The following CADM1 variants were observed in gnomAD, a reference collection of about 807,000 sequenced individuals.
CADM1 encodes TSLC-1.
A neutral mutation model predicts 53.1 loss-of-function variants in CADM1; 15 were observed. That is an observed-to-expected ratio of 0.28 (90% CI 0.19 to 0.44). CADM1 has a LOEUF of 0.44. Among genes scored for constraint, CADM1 ranks in the 20% least tolerant of loss-of-function variants. The probability of loss-of-function intolerance (pLI) is 1.00; values close to 1 mark genes in which losing one functional copy is unlikely to be tolerated. For missense variants in CADM1, 434 were observed against 611.3 expected, an observed-to-expected ratio of 0.71 and a Z score of 3.06; for synonymous variants, 281 against 243.0, an observed-to-expected ratio of 1.16 and a Z score of -1.45.
At chr11:115,307,205 C>T (rs1164777404) in intron 1 of CADM1, among the ~76,000 whole-genome samples, 1 of 151,888 alleles carries the variant, frequency 6.6e-6, no homozygotes, top group East Asian at 1.9e-4. Context: ...TATAGATATG[C>T]CCCTAACCCA....
At chr11:115,255,715 A>G (rs1393332898) in intron 1 of CADM1, among the ~76,000 whole-genome samples, 2 of 152,234 alleles carry the variant, frequency 1.3e-5, no homozygotes, top group African/African-American at 4.8e-5. Context: ...AGGAATAAAC[A>G]TGTTTAAAAA....
intron 1 of CADM1, among the ~76,000 whole-genome samples, chr11:115,309,906 G>T (rs1470726900): frequency 6.6e-6 from 1 of 152,148 alleles, no homozygotes; most frequent in East Asian, 1.9e-4. Context: ...CTCATGCTTA[G>T]AAATCCAGTC....
chr11:115,258,204 C>A (rs763640951), intron 1 of CADM1, among the ~76,000 whole-genome samples: 1 of 152,132 alleles, frequency 6.6e-6, no homozygotes, highest in Non-Finnish European at 1.5e-5. Context: ...CTGACTTTAT[C>A]CGAATGTTAA....
chr11:115,343,382 A>G (rs1359030459), intron 1 of CADM1, among the ~76,000 whole-genome samples: 1 of 152,118 alleles, frequency 6.6e-6, no homozygotes, highest in Admixed American at 6.6e-5. Flanking sequence ...CACCATTATC[A>G]TCCTCATTTT....
intron 1 of CADM1, among the ~76,000 whole-genome samples, chr11:115,407,213 C>T (rs913755808): frequency 3.3e-5 from 5 of 152,274 alleles, no homozygotes; most frequent in South Asian, 2.1e-4. Flanking sequence ...TTCACCTCTT[C>T]GCTGAACTTT....
chr11:115,175,584 A>T lies in CADM1; in HGVS notation c.*890T>A. 1 of 985,500 alleles carries T rather than the reference A, an allele frequency of 1.0e-6. No homozygotes were observed. 61.0% of individuals were successfully genotyped at this position (985,500 alleles called of 1,614,324 possible). ...AAATTTGTCCACTTATATAAAAGGA[A>T]CAGACCTCACCTGTCAGGTCTGTTT... On this transcript the variant is annotated 3_prime_UTR_variant, in exon 12 of 12. Transcript: ENST00000331581.
At chr11:115,251,731 TA>T (rs1467479395) in intron 1 of CADM1, among the ~76,000 whole-genome samples, 3 of 152,198 alleles carry the variant, frequency 2.0e-5, no homozygotes, top group Non-Finnish European at 4.4e-5. Flanking sequence ...AAGCAAGTGC[TA>T]GTGGTTTTTT....
chr11:115,504,319 G>T lies in CADM1; in HGVS notation c.76C>A (p.Leu26Ile), dbSNP rs772496380. 8 of 1,556,180 alleles carry T rather than the reference G, an allele frequency of 5.1e-6. No homozygotes were observed. In the East Asian group the frequency reaches 1.5e-4, roughly 28 times the overall value. The stretch of plus-strand genomic sequence containing the variant: ...GAGAAGAGCAACAGCAGAAGCCGGA[G>T]CCGGAGCCCGGGAGGCGCCGCCGCC... ...AAAAAPPGLR[L>I]RLLLLLFSAA... Residue 26 changes from leucine (L) to isoleucine (I), a missense_variant, in exon 1 of 12, where the codon CTC becomes ATC. Transcript: ENST00000331581.
chr11:115,417,929 C>T (rs906657915), intron 1 of CADM1, among the ~76,000 whole-genome samples: 9 of 152,122 alleles, frequency 5.9e-5, no homozygotes, highest in African/African-American at 2.4e-5. Context: ...AGTGAAGATG[C>T]ATTTATCCTT....
chr11:115,223,958 T>C (rs1434140467), intron 5 of CADM1, among the ~76,000 whole-genome samples: 1 of 106,796 alleles, frequency 9.4e-6, no homozygotes, highest in Non-Finnish European at 1.9e-5. Context: ...GTATTCCGTT[T>C]AAAAAAAAAA....
intron 1 of CADM1, among the ~76,000 whole-genome samples, chr11:115,389,729 T>C (rs889368016): frequency 7.2e-5 from 11 of 152,014 alleles, no homozygotes; most frequent in African/African-American, 2.7e-4. Flanking sequence ...ACTATCAATA[T>C]TGGTCATCTG....
intron 1 of CADM1, among the ~76,000 whole-genome samples, chr11:115,304,485 C>T (rs1303125725): frequency 6.6e-6 from 1 of 151,950 alleles, no homozygotes; most frequent in Admixed American, 6.6e-5. Flanking sequence ...AGAAAAACAC[C>T]ATGCAAAAGT....
chr11:115,342,693 T>A (rs556118851), intron 1 of CADM1, among the ~76,000 whole-genome samples: 3 of 152,180 alleles, frequency 2.0e-5, no homozygotes, highest in Admixed American at 6.6e-5. Context: ...CTTCAAATGA[T>A]GTGTTTCCAT....
chr11:115,488,401 A>G (rs1275922751), intron 1 of CADM1, among the ~76,000 whole-genome samples: 2 of 152,238 alleles, frequency 1.3e-5, no homozygotes. Flanking sequence ...AATGTCAGGA[A>G]GTTAGAGTTA....
intron 1 of CADM1, among the ~76,000 whole-genome samples, chr11:115,476,562 C>G (rs1949135830): frequency 6.6e-6 from 1 of 152,152 alleles, no homozygotes; most frequent in African/African-American, 2.4e-5. Context: ...CAGGAGCACG[C>G]TGCGTGGTAG....
At chr11:115,368,458 C>T (rs1450835074) in intron 1 of CADM1, among the ~76,000 whole-genome samples, 1 of 152,110 alleles carries the variant, frequency 6.6e-6, no homozygotes, top group Non-Finnish European at 1.5e-5. Flanking sequence ...AGCAAACATT[C>T]ATGAAAGCCA....
intron 1 of CADM1, among the ~76,000 whole-genome samples, chr11:115,393,796 A>C (rs1363978626): frequency 6.6e-6 from 1 of 152,182 alleles, no homozygotes; most frequent in Non-Finnish European, 1.5e-5. Flanking sequence ...AGAAAATACA[A>C]AGCATTATGG....
intron 1 of CADM1, among the ~76,000 whole-genome samples, chr11:115,412,800 T>A (rs1947491411): frequency 6.6e-6 from 1 of 152,106 alleles, no homozygotes; most frequent in Admixed American, 6.6e-5. Context: ...GCATCAAGGG[T>A]CTTTCCCCAC....
At chr11:115,450,732 T>C (rs1948552694) in intron 1 of CADM1, among the ~76,000 whole-genome samples, 1 of 152,236 alleles carries the variant, frequency 6.6e-6, no homozygotes, top group Non-Finnish European at 1.5e-5. Flanking sequence ...AAAATGGCTA[T>C]CATTGCCAGT....
Sources: gnomAD v4.1 joint callset for allele counts (sites outside exome capture counted in the v4.1 genomes callset) on GRCh38, gnomAD v4.1.1 for gene constraint, MANE v1.5 for transcripts, NCBI Gene and HGNC (gene_info 2026-07-23, HGNC 2026-07-21) for gene names.